The following COL25A1 variants were observed in gnomAD, a reference collection of about 807,000 sequenced individuals.
The protein encoded by COL25A1 is collagen type XXV alpha 1 chain, also known as collagen alpha-1(XXV) chain.
A neutral mutation model predicts 128.4 loss-of-function variants in COL25A1; 103 were observed. That is an observed-to-expected ratio of 0.80 (90% CI 0.68 to 0.94). COL25A1 has a LOEUF of 0.94. Ranked by LOEUF, COL25A1 falls within the 40% of genes least tolerant of loss-of-function variation. The pLI is 0.00. For synonymous variants in COL25A1, 279 were observed against 277.2 expected (o/e 1.01, Z -0.06); for missense variants, 745 against 840.0 (o/e 0.89, Z 1.40).
chr4:108,923,453 C>T (rs1745697711), intron 11 of COL25A1, among the ~76,000 whole-genome samples: 1 of 152,094 alleles, frequency 6.6e-6, no homozygotes, highest in African/African-American at 2.4e-5. Flanking sequence ...TCAAGCAATC[C>T]TCCTGCCTCA....
intron 5 of COL25A1, among the ~76,000 whole-genome samples, chr4:109,021,989 C>T (rs774830969): frequency 1.3e-4 from 20 of 152,194 alleles, no homozygotes; most frequent in Non-Finnish European, 1.6e-4. Flanking sequence ...AGACCCTTAT[C>T]AGGAGTTTCT....
rs182779235 is a variant in COL25A1 at position 109,176,195 on chromosome 4, T to C, written c.367+124388A>G. The stretch of plus-strand genomic sequence containing the variant: ...TCACGAGGTCAGGAGATCAAGACCA[T>C]CCTGGCCAACATGGTGAAACCCTGT... On this transcript the variant is annotated intron_variant, in intron 3 of 37. Transcript: ENST00000399132. Among the ~76,000 whole-genome samples, 409 of 152,080 alleles carry C rather than the reference T, an allele frequency of 2.7e-3. 1 individual carries two copies. Among genetic ancestry groups the C allele is most frequent in the Admixed American group, 7.5e-3 (115 of 15,270 alleles).
At chr4:108,907,495 G>A (rs1363204418) in intron 13 of COL25A1, among the ~76,000 whole-genome samples, 1 of 152,178 alleles carries the variant, frequency 6.6e-6, no homozygotes, top group Non-Finnish European at 1.5e-5. Context: ...ATTTACACAA[G>A]TGTCATCATT....
intron 3 of COL25A1, among the ~76,000 whole-genome samples, chr4:109,187,456 C>G (rs936166036): frequency 6.6e-6 from 1 of 152,140 alleles, no homozygotes; most frequent in Non-Finnish European, 1.5e-5. Flanking sequence ...TATTTGACTG[C>G]CCTCTGCTTC....
chr4:109,276,802 T>A (rs997840505), intron 3 of COL25A1, among the ~76,000 whole-genome samples: 1 of 151,894 alleles, frequency 6.6e-6, no homozygotes, highest in Admixed American at 6.6e-5. Context: ...TGGGAAAAAA[T>A]TCTCTTATTT....
chr4:109,231,526 A>G (rs1049803485), intron 3 of COL25A1, among the ~76,000 whole-genome samples: 1 of 152,216 alleles, frequency 6.6e-6, no homozygotes, highest in African/African-American at 2.4e-5. Context: ...AGACAACTGC[A>G]GAGAGGCAGT....
chr4:109,059,950 A>G (rs1211130954), intron 3 of COL25A1, among the ~76,000 whole-genome samples: 1 of 152,218 alleles, frequency 6.6e-6, no homozygotes, highest in Non-Finnish European at 1.5e-5. Flanking sequence ...AACAAATGGC[A>G]GAGTACAACT....
intron 3 of COL25A1, among the ~76,000 whole-genome samples, chr4:109,236,084 T>C (rs1205724647): frequency 6.6e-6 from 1 of 151,970 alleles, no homozygotes. Context: ...AAATTAAGGA[T>C]AAAAAGTTAT....
chr4:109,101,072 T>C (rs911513704), intron 3 of COL25A1, among the ~76,000 whole-genome samples: 18 of 152,134 alleles, frequency 1.2e-4, no homozygotes, highest in Non-Finnish European at 2.2e-4. Flanking sequence ...AAGATCAAAG[T>C]GGAATATAAC....
At chr4:108,821,719 G>A (rs11722154) in intron 35 of COL25A1, among the ~76,000 whole-genome samples, 72,968 of 151,936 alleles carry the variant, frequency 0.48, 18,668 homozygotes, top group South Asian at 0.59. Context: ...GAAGAATAAC[G>A]TGCCAATGTT....
At chr4:108,993,179 A>C (rs1579012695) in intron 6 of COL25A1, among the ~76,000 whole-genome samples, 1 of 151,318 alleles carries the variant, frequency 6.6e-6, no homozygotes, top group African/African-American at 2.4e-5. Context: ...ATCATCCCAC[A>C]CTCCCACCCC....
intron 32 of COL25A1, 53 bp downstream of exon 32, chr4:108,832,327 C>G (rs1733220457): frequency 1.6e-6 from 2 of 1,247,976 alleles, no homozygotes; most frequent in Admixed American, 2.1e-5. Context: ...TATGGAAAAG[C>G]CATGCTCTGT....
chr4:108,816,325 T>C (rs1731247098), intron 37 of COL25A1, among the ~76,000 whole-genome samples: 2 of 152,200 alleles, frequency 1.3e-5, no homozygotes, highest in Non-Finnish European at 2.9e-5. Context: ...GGAGTCAGGT[T>C]TCCCATCTTT....
rs1730870487 is a variant in COL25A1, at chr4:108,812,457, T to A, written c.*1470A>T. 1 of 152,210 alleles carries A rather than the reference T, an allele frequency of 6.6e-6. No individual in the cohort carries two copies. Among genetic ancestry groups the A allele is most frequent in the Non-Finnish European group, 1.5e-5 (1 of 68,026 alleles). 9.4% of individuals were successfully genotyped at this position (152,210 alleles called of 1,614,324 possible). ...AAAGTCAAAACTACTTAAAAATGCA[T>A]AACTTTCATGCTTTACAATGATTAG... On this transcript the variant is annotated 3_prime_UTR_variant, in exon 38 of 38. Coordinates refer to ENST00000399132, the MANE Select transcript of COL25A1 (RefSeq NM_198721.4).
intron 3 of COL25A1, among the ~76,000 whole-genome samples, chr4:109,183,782 G>C (rs923059447): frequency 8.5e-5 from 13 of 152,098 alleles, no homozygotes; most frequent in Non-Finnish European, 1.6e-4. Context: ...TCCCTGGCTG[G>C]CTTTTAATAA....
chr4:108,924,958 CT>C (rs1745881452), intron 11 of COL25A1, among the ~76,000 whole-genome samples: 1 of 152,160 alleles, frequency 6.6e-6, no homozygotes, highest in Non-Finnish European at 1.5e-5. Flanking sequence ...CAAAGCACCC[CT>C]ATGATGTTTT....
chr4:109,069,390 T>C (rs945032100), intron 3 of COL25A1, among the ~76,000 whole-genome samples: 1 of 151,996 alleles, frequency 6.6e-6, no homozygotes, highest in Non-Finnish European at 1.5e-5. Context: ...TTATTTTTAT[T>C]TTTAGTAGAC....
chr4:109,018,532 T>C (rs1357791822), intron 5 of COL25A1, among the ~76,000 whole-genome samples: 1 of 152,158 alleles, frequency 6.6e-6, no homozygotes, highest in Non-Finnish European at 1.5e-5. Context: ...CCCCATCCTC[T>C]CAATGGGAAC....
intron 3 of COL25A1, among the ~76,000 whole-genome samples, chr4:109,288,771 T>A (rs1560985871): frequency 6.6e-6 from 1 of 152,030 alleles, no homozygotes; most frequent in African/African-American, 2.4e-5. Flanking sequence ...AATGCAAGCA[T>A]AGCAATTAGC....
Sources: gnomAD v4.1 joint callset for allele counts (sites outside exome capture counted in the v4.1 genomes callset) on GRCh38, gnomAD v4.1.1 for gene constraint, MANE v1.5 for transcripts, NCBI Gene and HGNC (gene_info 2026-07-23, HGNC 2026-07-21) for gene names.